Variants in SLC4A10 observed in about 807,000 individuals in gnomAD.
SLC4A10 encodes the protein solute carrier family 4 member 10.
A neutral mutation model predicts 137.7 loss-of-function variants in SLC4A10; 42 were observed. The observed-to-expected ratio is 0.30, with a 90% confidence interval of 0.24 to 0.39. SLC4A10 has a LOEUF of 0.39. Among genes scored for constraint, SLC4A10 ranks in the 10% least tolerant of loss-of-function variants. The pLI is 1.00. For synonymous variants in SLC4A10, 474 were observed against 464.1 expected (o/e 1.02, Z -0.27); for missense variants, 925 against 1,355.0 (o/e 0.68, Z 4.98).
In SLC4A10 at chr2:161,670,560, C is replaced by A. The variant is rs894539972; in HGVS notation, c.48+45994C>A. On this transcript the variant is annotated intron_variant, in intron 1 of 26. Transcript: ENST00000446997. Reference sequence around the variant, plus strand: ...ATCTCGTGCGTACATAATTTACTCCCTTAGTAACCTTGTTTATAAATACTA... The same window carrying A: ...ATCTCGTGCGTACATAATTTACTCCATTAGTAACCTTGTTTATAAATACTA... Among the ~76,000 whole-genome samples the A allele has an allele frequency of 6.6e-4, 66 of 100,408 alleles. 1 individual carries two copies. The highest frequency in any genetic ancestry group is 2.1e-3 in the African/African-American group (65 of 30,630). The allele number at this position is 100,408 out of a possible 152,430, so 65.9% of individuals were successfully genotyped here.
chr2:161,691,271 G>T (rs2041965447), intron 1 of SLC4A10, among the ~76,000 whole-genome samples: 1 of 127,376 alleles, frequency 7.9e-6, no homozygotes, highest in African/African-American at 2.9e-5. Flanking sequence ...ATATTGCCTT[G>T]AACACATGGA....
chr2:161,819,474 C>G (rs889907390), intron 3 of SLC4A10, among the ~76,000 whole-genome samples: 1 of 151,718 alleles, frequency 6.6e-6, no homozygotes, highest in African/African-American at 2.4e-5. Flanking sequence ...CAATCAACTC[C>G]CCAGTAACAA....
At chr2:161,642,397 A>G (rs1434941935) in intron 1 of SLC4A10, among the ~76,000 whole-genome samples, 1 of 151,974 alleles carries the variant, frequency 6.6e-6, no homozygotes, top group Non-Finnish European at 1.5e-5. Flanking sequence ...CTTCAAGTTT[A>G]CTGAATCTCA....
chr2:161,688,974 CA>C lies in SLC4A10; in HGVS notation c.48+64414del, dbSNP rs1178744791. 4.7e-5 allele frequency among the ~76,000 whole-genome samples: 7 copies of C among 150,504 alleles called. No homozygotes were observed. In the East Asian group the frequency reaches 1.4e-3, roughly 29 times the overall value. ...TGTGTGTTTGTGCCTTAGTTCTTAA[CA>C]AAAAATATGTAAAAAGTAAAAAAGA... On this transcript the variant is annotated intron_variant, in intron 1 of 26. Coordinates refer to ENST00000446997, the MANE Select transcript of SLC4A10 (RefSeq NM_001178015.2).
At chr2:161,796,504 T>A (rs1200670452) in intron 2 of SLC4A10, among the ~76,000 whole-genome samples, 1 of 152,160 alleles carries the variant, frequency 6.6e-6, no homozygotes, top group Non-Finnish European at 1.5e-5. Context: ...CAACAGCAGG[T>A]AAGAACCTAT....
intron 13 of SLC4A10, 117 bp downstream of exon 13, chr2:161,904,295 T>A (rs1683813816): frequency 1.8e-6 from 2 of 1,084,932 alleles, no homozygotes; most frequent in Non-Finnish European, 2.6e-6. Flanking sequence ...AGATATGGTC[T>A]GGCAGATACA....
In SLC4A10 at chr2:161,778,827, G is replaced by A. The variant is rs146118386; in HGVS notation, c.130+7773G>A. Among the ~76,000 whole-genome samples the A allele has an allele frequency of 6.9e-3, 1,053 of 152,030 alleles. 15 individuals carry two copies. Among genetic ancestry groups the A allele is most frequent in the African/African-American group, 0.025 (1,017 of 41,502 alleles). On this transcript the variant is annotated intron_variant, in intron 2 of 26. Transcript: ENST00000446997. Reference sequence around the variant, plus strand: ...TAAAATCTTTTAAGTCAAAAGCTTAGTGGAGAAAATAATGCCCCATCTTGA... The same window carrying A: ...TAAAATCTTTTAAGTCAAAAGCTTAATGGAGAAAATAATGCCCCATCTTGA...
chr2:161,969,199 T>C (rs947845644), intron 23 of SLC4A10, among the ~76,000 whole-genome samples: 2 of 152,180 alleles, frequency 1.3e-5, no homozygotes, highest in African/African-American at 4.8e-5. Context: ...AGTAGCCCAT[T>C]TCTGGTCTTA....
chr2:161,844,228 G>A lies in SLC4A10; in HGVS notation c.416+4301G>A, dbSNP rs181721793. Among the ~76,000 whole-genome samples, 3 of 152,080 alleles carry A rather than the reference G, an allele frequency of 2.0e-5. No homozygotes were observed. The East Asian group carries it at 5.8e-4, about 29-fold the overall frequency. ...CATACATACATGGCAGAATAGAAAA[G>A]GATTATTACATCAGAACAATTTTAT... is the stretch of plus-strand genomic sequence containing the variant. On this transcript the variant is annotated intron_variant, in intron 4 of 26. Transcript: ENST00000446997.
At chr2:161,875,166 G>A (rs992940774) in intron 8 of SLC4A10, among the ~76,000 whole-genome samples, 6 of 152,184 alleles carry the variant, frequency 3.9e-5, no homozygotes, top group African/African-American at 1.4e-4. Context: ...GGGCAGAAAA[G>A]TAGAGTTTGA....
chr2:161,878,342 C>T (rs1459877699), intron 8 of SLC4A10, among the ~76,000 whole-genome samples: 2 of 152,136 alleles, frequency 1.3e-5, no homozygotes, highest in African/African-American at 4.8e-5. Context: ...CACTGCTTGT[C>T]TTTCACTGAG....
chr2:161,703,515 T>C (rs1407737180), intron 1 of SLC4A10, among the ~76,000 whole-genome samples: 1 of 151,660 alleles, frequency 6.6e-6, no homozygotes, highest in African/African-American at 2.4e-5. Context: ...TTCTCCCCAC[T>C]TTTTTGATCT....
intron 15 of SLC4A10, among the ~76,000 whole-genome samples, chr2:161,937,702 A>G (rs545735887): frequency 6.6e-6 from 1 of 152,228 alleles, no homozygotes; most frequent in Non-Finnish European, 1.5e-5. Flanking sequence ...GCTGTCTTGC[A>G]TGACAATCAT....
At chr2:161,857,270 G>A (rs557244415) in intron 5 of SLC4A10, among the ~76,000 whole-genome samples, 5 of 152,230 alleles carry the variant, frequency 3.3e-5, no homozygotes, top group South Asian at 2.1e-4. Flanking sequence ...TACCCTTACA[G>A]TGAAAGTAGT....
chr2:161,817,751 G>T (rs1277171521), intron 3 of SLC4A10, among the ~76,000 whole-genome samples: 4 of 150,452 alleles, frequency 2.7e-5, no homozygotes, highest in Non-Finnish European at 5.9e-5. Context: ...TTTCCCCATT[G>T]CTTGTTTTTG....
intron 2 of SLC4A10, among the ~76,000 whole-genome samples, chr2:161,785,814 A>G (rs992305833): frequency 6.6e-6 from 1 of 151,984 alleles, no homozygotes; most frequent in Non-Finnish European, 1.5e-5. Flanking sequence ...ACTTCCATTC[A>G]ACATAGTACT....
intron 3 of SLC4A10, among the ~76,000 whole-genome samples, chr2:161,818,584 T>A (rs920669242): frequency 1.3e-5 from 2 of 152,188 alleles, no homozygotes; most frequent in African/African-American, 4.8e-5. Context: ...TTCCAGTTTT[T>A]GTCCATTCAG....
At chr2:161,693,483 C>T (rs2042194017) in intron 1 of SLC4A10, among the ~76,000 whole-genome samples, 1 of 151,924 alleles carries the variant, frequency 6.6e-6, no homozygotes, top group South Asian at 2.1e-4. Context: ...AGATCTCATC[C>T]AGCAAAGATT....
chr2:161,723,859 A>G lies in SLC4A10; in HGVS notation c.49-47114A>G, dbSNP rs539300437. On this transcript the variant is annotated intron_variant, in intron 1 of 26. Coordinates refer to ENST00000446997, the MANE Select transcript of SLC4A10 (RefSeq NM_001178015.2). ...TGCTTTACATACTGATGACTTCCAT[A>G]TCTATAGCTGAAATCTATACCTTAA... Among the ~76,000 whole-genome samples, 10 of 152,320 alleles carry G rather than the reference A, an allele frequency of 6.6e-5. No homozygotes were observed. In the East Asian group the frequency reaches 1.7e-3, roughly 26 times the overall value.
Sources: gnomAD v4.1 joint callset for allele counts (sites outside exome capture counted in the v4.1 genomes callset) on GRCh38, gnomAD v4.1.1 for gene constraint, MANE v1.5 for transcripts, NCBI Gene and HGNC (gene_info 2026-07-23, HGNC 2026-07-21) for gene names.